The following PLXNA2 variants were observed in gnomAD, a reference collection of about 807,000 sequenced individuals.
The protein encoded by PLXNA2 is plexin-A2.
Under a neutral mutation model 193.5 loss-of-function variants are expected in PLXNA2, and 91 were observed. The observed-to-expected ratio is 0.47, with a 90% CI of 0.40 to 0.56. The LOEUF is 0.56. Ranked by LOEUF, PLXNA2 falls within the 20% of genes least tolerant of loss-of-function variation. PLXNA2 has a pLI of 0.00. For synonymous variants in PLXNA2, 997 were observed against 1,027.3 expected (o/e 0.97, Z 0.56); for missense variants, 1,995 against 2,503.2 (o/e 0.80, Z 4.33).
intron 4 of PLXNA2, among the ~76,000 whole-genome samples, chr1:208,120,135 G>T (rs544266152): frequency 3.9e-5 from 6 of 152,332 alleles, no homozygotes; most frequent in African/African-American, 1.4e-4. Context: ...TTTAGCCCCG[G>T]CTGGGTGCAG....
intron 3 of PLXNA2, among the ~76,000 whole-genome samples, chr1:208,194,763 C>G (rs1182587060): frequency 6.6e-6 from 1 of 152,172 alleles, no homozygotes; most frequent in Non-Finnish European, 1.5e-5. Context: ...TCCTTCTTTG[C>G]TTTTGAATGC....
chr1:208,221,777 G>A (rs551426380), intron 1 of PLXNA2, among the ~76,000 whole-genome samples: 2 of 152,290 alleles, frequency 1.3e-5, no homozygotes, highest in South Asian at 4.1e-4. Flanking sequence ...AGGGAGGATG[G>A]AGCCCACCTT....
chr1:208,067,466 G>A (rs2102361344), intron 12 of PLXNA2, among the ~76,000 whole-genome samples: 1 of 152,252 alleles, frequency 6.6e-6, no homozygotes, highest in South Asian at 2.1e-4. Flanking sequence ...GTAGTGTACA[G>A]TAACGTCCTA....
chr1:208,179,709 G>A (rs567810541), intron 3 of PLXNA2, among the ~76,000 whole-genome samples: 2 of 152,302 alleles, frequency 1.3e-5, no homozygotes, highest in South Asian at 4.1e-4. Context: ...GTGAGTGTTA[G>A]GGTAGGAGGC....
intron 2 of PLXNA2, 56 bp downstream of exon 2, chr1:208,216,679 G>C: frequency 6.4e-7 from 1 of 1,554,934 alleles, no homozygotes; most frequent in Admixed American, 1.8e-5. Context: ...GCATGGACAG[G>C]AAGGTTGGAA....
At chr1:208,069,013 C>T (rs547191804) in intron 12 of PLXNA2, among the ~76,000 whole-genome samples, 1 of 152,326 alleles carries the variant, frequency 6.6e-6, no homozygotes, top group Admixed American at 6.5e-5. Flanking sequence ...GGGTAGAGAG[C>T]TCAGGCTAGC....
intron 8 of PLXNA2, among the ~76,000 whole-genome samples, chr1:208,093,517 C>T (rs2498020): frequency 0.67 from 101,681 of 152,090 alleles, 34,440 homozygotes; most frequent in East Asian, 0.77. Context: ...TGAGATAATG[C>T]ATAGAAAATG....
intron 17 of PLXNA2, among the ~76,000 whole-genome samples, chr1:208,049,128 G>A (rs887400737): frequency 6.6e-6 from 1 of 152,056 alleles, no homozygotes; most frequent in African/African-American, 2.4e-5. Flanking sequence ...CTCTTGCCAC[G>A]GTTTCTCCCT....
chr1:208,094,268 T>C (rs974391307), intron 8 of PLXNA2, among the ~76,000 whole-genome samples: 3 of 152,196 alleles, frequency 2.0e-5, no homozygotes, highest in South Asian at 2.1e-4. Context: ...GTGACCTTCA[T>C]TGTAGCACTA....
chr1:208,114,329 C>T (rs1667575475), intron 4 of PLXNA2, among the ~76,000 whole-genome samples: 1 of 152,194 alleles, frequency 6.6e-6, no homozygotes, highest in Non-Finnish European at 1.5e-5. Flanking sequence ...TGAAGGGACC[C>T]CACGTTGATG....
Position 208,051,089 on chromosome 1 carries a change from G to C in PLXNA2, c.3175C>G (p.Leu1059Val), listed in dbSNP as rs762918464. 1 of 1,613,976 alleles carries C rather than the reference G, an allele frequency of 6.2e-7. No homozygotes were observed. Among genetic ancestry groups the C allele is most frequent in the Admixed American group, 1.7e-5 (1 of 60,028 alleles). The change falls in exon 17 of 32, where the codon CTG (leucine) becomes GTG (valine). Residue 1059 changes from leucine to valine, a missense_variant. This residue lies in a region of PLXNA2 where 1,291 missense variants were observed against 1,673.6 expected (regional missense o/e 0.77). Transcript: ENST00000367033. Reference protein sequence around the residue: ...EWSIASGHTPLTITGFNLDVI... With the variant: ...EWSIASGHTPVTITGFNLDVI... ...TCCAGGTTGAAGCCTGTGATGGTCAGGGGTGTGTGGCCACTGAAAACAGGC... is the reference window on the plus strand; with the variant it reads ...TCCAGGTTGAAGCCTGTGATGGTCACGGGTGTGTGGCCACTGAAAACAGGC...
At chr1:208,046,700 G>A (rs1183741074) in intron 17 of PLXNA2, among the ~76,000 whole-genome samples, 10 of 151,552 alleles carry the variant, frequency 6.6e-5, no homozygotes, top group Admixed American at 6.6e-4. Context: ...GAGAGGGAGG[G>A]GGAAGGGAAC....
chr1:208,216,967 C>T lies in PLXNA2; in HGVS notation c.956G>A (p.Gly319Glu), dbSNP rs371985757. 3.1e-6 allele frequency: 5 copies of T among 1,613,302 alleles called. No homozygotes were observed. The African/African-American group carries it at 5.3e-5, about 17-fold the overall frequency. ...ATTGAAGGCCTGGGCCAGTGAGTCC[C>T]CAGGCTTGGCCAGGTAAGCAGCCTG... Reference protein sequence around the residue: ...LLQAAYLAKPGDSLAQAFNIT... With the variant: ...LLQAAYLAKPEDSLAQAFNIT... The change falls in exon 2 of 32, where the codon GGG becomes GAG. Residue 319 changes from glycine (G) to glutamate (E), a missense_variant. Physicochemically the swap from Gly to Glu is moderately conservative, Grantham distance 98. Coordinates refer to ENST00000367033, the MANE Select transcript of PLXNA2 (RefSeq NM_025179.4).
chr1:208,188,525 A>G (rs150194076), intron 3 of PLXNA2, among the ~76,000 whole-genome samples: 1,708 of 152,224 alleles, frequency 0.011, 31 homozygotes, highest in African/African-American at 0.039. Context: ...CCTGGCCAAC[A>G]TGTCGAAATC....
At chr1:208,119,387 G>A (rs1363909544) in intron 4 of PLXNA2, among the ~76,000 whole-genome samples, 1 of 152,182 alleles carries the variant, frequency 6.6e-6, no homozygotes, top group East Asian at 1.9e-4. Flanking sequence ...AAACAGGCCT[G>A]TCCCTGATCC....
intron 3 of PLXNA2, among the ~76,000 whole-genome samples, chr1:208,161,725 G>A (rs1306441586): frequency 1.3e-5 from 2 of 152,050 alleles, no homozygotes; most frequent in African/African-American, 4.8e-5. Flanking sequence ...AGGGAGAAGT[G>A]GTCCTGTTAC....
At chr1:208,218,495 A>C (rs1671220077) in intron 1 of PLXNA2, among the ~76,000 whole-genome samples, 2 of 152,008 alleles carry the variant, frequency 1.3e-5, no homozygotes, top group Non-Finnish European at 2.9e-5. Context: ...ATTCCTTCCT[A>C]TTTTAGACTT....
intron 3 of PLXNA2, among the ~76,000 whole-genome samples, chr1:208,199,752 T>C (rs1670480592): frequency 6.6e-6 from 1 of 151,852 alleles, no homozygotes; most frequent in Admixed American, 6.6e-5. Flanking sequence ...AAAATTGGAA[T>C]TCAAAAACCT....
Position 208,110,919 on chromosome 1 carries a change from C to T in PLXNA2, c.1507-7672G>A, listed in dbSNP as rs1350778486. Among the ~76,000 whole-genome samples, 4 of 152,292 alleles carry T rather than the reference C, an allele frequency of 2.6e-5. No homozygotes were observed. In the South Asian group the frequency reaches 6.2e-4, roughly 24 times the overall value. The stretch of plus-strand genomic sequence containing the variant: ...GTCAGGTTCACCCGCCTGACCACTG[C>T]AAATCTCTTAGCTCATTTTACTCCC... On this transcript the variant is annotated intron_variant, in intron 4 of 31. Transcript: ENST00000367033.
Sources: allele counts gnomAD v4.1 joint callset (sites outside exome capture counted in the v4.1 genomes callset), GRCh38; gene constraint gnomAD v4.1.1; regional missense constraint gnomAD v4.1.1; transcripts MANE v1.5; gene names NCBI Gene and HGNC (gene_info 2026-07-23, HGNC 2026-07-21).